TDRD5: variants seen among roughly 807,000 people sequenced by gnomAD.
TDRD5 encodes tudor domain containing 5.
Under a neutral mutation model 120.6 loss-of-function variants are expected in TDRD5, and 41 were observed. The ratio of observed to expected loss-of-function variants is 0.34; its 90% confidence interval spans 0.26 to 0.44. The LOEUF (loss-of-function observed/expected upper bound fraction) is 0.44. Among genes scored for constraint, TDRD5 ranks in the 20% least tolerant of loss-of-function variants. The probability of loss-of-function intolerance (pLI) is 1.00; values close to 1 mark genes in which losing one functional copy is unlikely to be tolerated. For missense variants in TDRD5, 1,006 were observed against 1,221.2 expected, an observed-to-expected ratio of 0.82 and a Z score of 2.63; for synonymous variants, 430 against 433.7, an observed-to-expected ratio of 0.99 and a Z score of 0.11.
At chr1:179,596,023 A>G (rs964636161) in intron 4 of TDRD5, among the ~76,000 whole-genome samples, 8 of 152,178 alleles carry the variant, frequency 5.3e-5, no homozygotes, top group African/African-American at 1.9e-4. Flanking sequence ...TCAACTCCAC[A>G]GTTTCCACTA....
intron 6 of TDRD5, among the ~76,000 whole-genome samples, chr1:179,627,675 A>G (rs1379181967): frequency 1.3e-5 from 2 of 152,224 alleles, no homozygotes; most frequent in African/African-American, 4.8e-5. Flanking sequence ...ATTTCAGGCT[A>G]CAATAAGGAT....
At position 179,691,144 on chromosome 1, in the gene TDRD5, A is replaced by T. The variant is rs1681133064; in HGVS notation, c.*201A>T. ...GTATTGATATTTACTGTTAATCTTG[A>T]TTTTTCTTGATTTTATTCTGTGTCA... is the stretch of plus-strand genomic sequence containing the variant. On this transcript the variant is annotated 3_prime_UTR_variant, in exon 18 of 18. Transcript: ENST00000444136. 1 of 566,168 alleles carries T rather than the reference A, an allele frequency of 1.8e-6. No homozygotes were observed. The highest frequency in any genetic ancestry group is 1.9e-5 in the African/African-American group (1 of 53,044). The allele number at this position is 566,168 out of a possible 1,614,324, so 35.1% of individuals were successfully genotyped here. A position where few individuals can be genotyped will look rare whatever the true frequency, so the allele number is the denominator to read the frequency against.
At chr1:179,635,592 A>G (rs549311050) in intron 8 of TDRD5, 75 bp from the exon 9 acceptor site, 6 of 1,317,486 alleles carry the variant, frequency 4.6e-6, no homozygotes, top group South Asian at 2.8e-5. Context: ...GATTCATGAA[A>G]TGTGCTTTGA....
At position 179,599,983 on chromosome 1, in the gene TDRD5, C is replaced by T. The variant is rs1035060471; in HGVS notation, c.831+4165C>T. ...ACCATGTTATGGGTTTGTGTTTTTACTGTACTTTGTACCATTATTTTAGAG... is the reference window on the plus strand; with the variant it reads ...ACCATGTTATGGGTTTGTGTTTTTATTGTACTTTGTACCATTATTTTAGAG... On this transcript the variant is annotated intron_variant, in intron 4 of 17. Transcript: ENST00000444136. 6.6e-5 allele frequency among the ~76,000 whole-genome samples: 10 copies of T among 152,154 alleles called. No individual in the cohort carries two copies. The East Asian group carries it at 7.7e-4, about 12-fold the overall frequency.
chr1:179,674,067 AG>A (rs1247854284), intron 17 of TDRD5, among the ~76,000 whole-genome samples: 3 of 152,154 alleles, frequency 2.0e-5, no homozygotes, highest in Non-Finnish European at 4.4e-5. Context: ...TGCTCTGGCT[AG>A]GACTTCCAGT....
intron 6 of TDRD5, among the ~76,000 whole-genome samples, chr1:179,624,006 A>C (rs1306807947): frequency 6.6e-6 from 1 of 152,110 alleles, no homozygotes; most frequent in African/African-American, 2.4e-5. Context: ...CAAAAAACCA[A>C]TTAGAACATG....
chr1:179,597,231 C>T (rs1482193597), intron 4 of TDRD5, among the ~76,000 whole-genome samples: 7 of 151,744 alleles, frequency 4.6e-5, no homozygotes, highest in Admixed American at 3.3e-4. Flanking sequence ...TTCTCCTGGC[C>T]GATGTTTGCT....
chr1:179,593,941 G>A (rs1470974980), intron 3 of TDRD5, 74 bp downstream of exon 3: 6 of 1,520,730 alleles, frequency 3.9e-6, no homozygotes, highest in South Asian at 1.3e-5. Context: ...CTATGAGTTC[G>A]TTAGAGTTGA....
chr1:179,630,271 A>G (rs1053424816), intron 6 of TDRD5, among the ~76,000 whole-genome samples: 1 of 152,224 alleles, frequency 6.6e-6, no homozygotes, highest in African/African-American at 2.4e-5. Context: ...TGCTGGGATT[A>G]CAGGCGTGAG....
At chr1:179,635,206 AG>A (rs1677698739) in intron 8 of TDRD5, among the ~76,000 whole-genome samples, 1 of 152,212 alleles carries the variant, frequency 6.6e-6, no homozygotes, top group African/African-American at 2.4e-5. Flanking sequence ...GAAGGCCTAG[AG>A]GAAAACAGTA....
At chr1:179,649,553 A>G (rs963277161) in intron 11 of TDRD5, among the ~76,000 whole-genome samples, 3 of 151,756 alleles carry the variant, frequency 2.0e-5, no homozygotes, top group African/African-American at 7.2e-5. Context: ...TTGGGTTATT[A>G]TGTTTTTACC....
chr1:179,660,814 C>T (rs1679271809), intron 14 of TDRD5, among the ~76,000 whole-genome samples: 1 of 152,090 alleles, frequency 6.6e-6, no homozygotes, highest in Non-Finnish European at 1.5e-5. Flanking sequence ...TTCCAAGTTT[C>T]CTTCTGATAT....
chr1:179,673,459 G>C (rs1301391461), intron 17 of TDRD5, among the ~76,000 whole-genome samples: 1 of 152,156 alleles, frequency 6.6e-6, no homozygotes, highest in Non-Finnish European at 1.5e-5. Context: ...CTGTGACAGA[G>C]CCTCAAGAAG....
chr1:179,615,048 T>C (rs72706727), intron 4 of TDRD5, among the ~76,000 whole-genome samples: 13,329 of 152,160 alleles, frequency 0.088, 722 homozygotes, highest in African/African-American at 0.15. Flanking sequence ...CCTCAGTGTC[T>C]GGTAACCACG....
At chr1:179,650,458 A>G (rs1028268761) in intron 11 of TDRD5, among the ~76,000 whole-genome samples, 1 of 151,628 alleles carries the variant, frequency 6.6e-6, no homozygotes, top group Non-Finnish European at 1.5e-5. Context: ...TACCCTTAAG[A>G]CAAAAGAAGT....
At chr1:179,657,784 A>T (rs950059789) in intron 14 of TDRD5, among the ~76,000 whole-genome samples, 1 of 152,156 alleles carries the variant, frequency 6.6e-6, no homozygotes, top group African/African-American at 2.4e-5. Flanking sequence ...CAATATATGT[A>T]TACACTGTAG....
intron 14 of TDRD5, among the ~76,000 whole-genome samples, chr1:179,658,320 C>T (rs1188398679): frequency 6.6e-6 from 1 of 152,080 alleles, no homozygotes; most frequent in Non-Finnish European, 1.5e-5. Flanking sequence ...TACATAAAAT[C>T]AGGTTATTTT....
chr1:179,675,597 C>A (rs1680106966), intron 17 of TDRD5, among the ~76,000 whole-genome samples: 1 of 152,062 alleles, frequency 6.6e-6, no homozygotes, highest in African/African-American at 2.4e-5. Flanking sequence ...ATTTTTAAAT[C>A]CCCATCTAGA....
chr1:179,621,825 C>T (rs1382991292), intron 6 of TDRD5, among the ~76,000 whole-genome samples: 2 of 152,118 alleles, frequency 1.3e-5, no homozygotes, highest in Non-Finnish European at 2.9e-5. Flanking sequence ...GGCATATGTT[C>T]ATTTTGTTTT....
Sources: allele counts gnomAD v4.1 joint callset (sites outside exome capture counted in the v4.1 genomes callset), GRCh38; gene constraint gnomAD v4.1.1; transcripts MANE v1.5; gene names NCBI Gene and HGNC (gene_info 2026-07-23, HGNC 2026-07-21).